The following STK32B variants were observed in gnomAD, a reference collection of about 807,000 sequenced individuals.
The protein encoded by STK32B is serine/threonine-protein kinase 32B.
Under a neutral mutation model 52.6 loss-of-function variants are expected in STK32B, and 43 were observed. That is an observed-to-expected ratio of 0.82 (90% CI 0.64 to 1.05). The LOEUF (loss-of-function observed/expected upper bound fraction) is 1.05, where lower values mean the gene tolerates loss of function less well. STK32B is among the 50% of genes least tolerant of loss of function. STK32B has a pLI of 0.00. For synonymous variants in STK32B, 238 were observed against 204.3 expected (o/e 1.17, Z -1.41); for missense variants, 621 against 534.6 (o/e 1.16, Z -1.59).
At position 5,331,409 on chromosome 4, in the gene STK32B, G is replaced by A. The variant is rs1318688834; in HGVS notation, c.434+16G>A. 5 of 1,599,654 alleles carry A rather than the reference G, an allele frequency of 3.1e-6. No homozygotes were observed. Among genetic ancestry groups the A allele is most frequent in the Non-Finnish European group, 4.3e-6 (5 of 1,171,440 alleles). ...TCATCCACAGGTAACTGGGCTGCTG[G>A]CGGGATGCCTGGGACAGAGGGACCA... On this transcript the variant is annotated intron_variant, in intron 4 of 11. Transcript: ENST00000282908.
At chr4:5,067,695 C>A (rs1411965660) in intron 1 of STK32B, among the ~76,000 whole-genome samples, 1 of 151,990 alleles carries the variant, frequency 6.6e-6, no homozygotes, top group Non-Finnish European at 1.5e-5. Context: ...TCTCACACTA[C>A]TATAAAGAAA....
the STK32B span, among the ~76,000 whole-genome samples, chr4:5,022,875 T>A: frequency 6.6e-6 from 1 of 151,950 alleles, no homozygotes; most frequent in Non-Finnish European, 1.5e-5. Flanking sequence ...ACACTCTGGG[T>A]GAGTGGTGTG....
chr4:5,096,994 C>A (rs1179572342), intron 1 of STK32B, among the ~76,000 whole-genome samples: 1 of 152,166 alleles, frequency 6.6e-6, no homozygotes, highest in African/African-American at 2.4e-5. Flanking sequence ...AAGAGGAAAT[C>A]GAAGCTGAGA....
chr4:5,467,208 G>A lies in STK32B; in HGVS notation c.1041+374G>A, dbSNP rs1577554061. ...TGGGCCTCTGTATTCGTTTCCTGGG[G>A]CTGCCACAAGCTAGGTGGCTTAAAA... On this transcript the variant is annotated intron_variant, in intron 10 of 11. Coordinates refer to ENST00000282908, the MANE Select transcript of STK32B (RefSeq NM_018401.3). This position sits in a 1 kb window ranked among gnomAD's most constrained non-coding sequence, Gnocchi z 5.8. 6.6e-6 allele frequency among the ~76,000 whole-genome samples: 1 copy of A among 152,164 alleles called. No homozygotes were observed. Among genetic ancestry groups the A allele is most frequent in the African/African-American group, 2.4e-5 (1 of 41,444 alleles).
chr4:5,446,574 A>C lies in STK32B; in HGVS notation c.563-99A>C, dbSNP rs374780728. 1.8e-5 allele frequency: 20 copies of C among 1,116,942 alleles called. No individual in the cohort carries two copies. The Admixed American group carries it at 2.5e-4, about 14-fold the overall frequency. The allele number at this position is 1,116,942 out of a possible 1,614,324, so 69.2% of individuals were successfully genotyped here. A position where few individuals can be genotyped will look rare whatever the true frequency, so the allele number is the denominator to read the frequency against. ...TCTATCTCAAAAAAAAACAAAAAAA[A>C]AAAAAACAAGCTCAATTTCTCTCCT... On this transcript the variant is annotated intron_variant, in intron 6 of 11. Coordinates refer to ENST00000282908, the MANE Select transcript of STK32B (RefSeq NM_018401.3).
At chr4:5,043,216 T>C in the STK32B span, among the ~76,000 whole-genome samples, 2 of 152,156 alleles carry the variant, frequency 1.3e-5, no homozygotes, top group African/African-American at 4.8e-5. Flanking sequence ...TTTTCTGTTT[T>C]CTTTTAGTAG....
chr4:5,320,572 C>T (rs1448643055), intron 3 of STK32B, among the ~76,000 whole-genome samples: 1 of 152,132 alleles, frequency 6.6e-6, no homozygotes, highest in Non-Finnish European at 1.5e-5. Context: ...TCTCAAGTTA[C>T]ATTTCAAATA....
At chr4:5,316,699 AT>A (rs1211701143) in intron 3 of STK32B, among the ~76,000 whole-genome samples, 51 of 130 alleles carry the variant, frequency 0.39, 13 homozygotes, top group Admixed American at 0.5. Context: ...TATATATCAT[AT>A]TATAATATAT....
At chr4:5,128,967 AGT>A (rs1178174896) in intron 1 of STK32B, among the ~76,000 whole-genome samples, 1 of 152,220 alleles carries the variant, frequency 6.6e-6, no homozygotes, top group Non-Finnish European at 1.5e-5. Flanking sequence ...GTAGTTTCTC[AGT>A]GTGTATTGCC....
Position 5,302,066 on chromosome 4 carries a change from GTTCT to G in STK32B, c.261-29147_261-29144del, listed in dbSNP as rs894552983. Reference sequence around the variant, plus strand: ...TCTAGTATGCTATTTTAATTACTTTGTTCTTTCTTTTACTGTATTTTTGAGTTAT... The same window carrying G: ...TCTAGTATGCTATTTTAATTACTTTGTTCTTTTACTGTATTTTTGAGTTAT... On this transcript the variant is annotated intron_variant, in intron 3 of 11. Coordinates refer to ENST00000282908, the MANE Select transcript of STK32B (RefSeq NM_018401.3). 6.6e-5 allele frequency among the ~76,000 whole-genome samples: 10 copies of G among 150,634 alleles called. No homozygotes were observed. In the South Asian group the frequency reaches 1.9e-3, roughly 28 times the overall value.
chr4:5,268,989 T>G (rs1727236526), intron 3 of STK32B, among the ~76,000 whole-genome samples: 1 of 152,052 alleles, frequency 6.6e-6, no homozygotes, highest in African/African-American at 2.4e-5. Flanking sequence ...TGAGGGAGTT[T>G]TCAGGTTGTG....
intron 1 of STK32B, among the ~76,000 whole-genome samples, chr4:5,068,921 C>A (rs779693793): frequency 1.3e-5 from 2 of 152,016 alleles, no homozygotes; most frequent in African/African-American, 2.4e-5. Context: ...GTGTATGTGG[C>A]AAGAACACGT....
At chr4:5,443,570 T>G (rs1715009148) in intron 6 of STK32B, among the ~76,000 whole-genome samples, 1 of 152,112 alleles carries the variant, frequency 6.6e-6, no homozygotes. Flanking sequence ...TAGCTCAGAG[T>G]AATTTGATCG....
chr4:5,321,152 A>G (rs896162017), intron 3 of STK32B, among the ~76,000 whole-genome samples: 2 of 152,146 alleles, frequency 1.3e-5, no homozygotes, highest in South Asian at 2.1e-4. Flanking sequence ...TTCTCTGAAC[A>G]TCAGTTCTGT....
At chr4:5,062,306 G>A (rs940253268) in intron 1 of STK32B, among the ~76,000 whole-genome samples, 2 of 152,092 alleles carry the variant, frequency 1.3e-5, no homozygotes, top group East Asian at 1.9e-4. Context: ...TAGGGTCATC[G>A]TGAGCTTTTT....
At chr4:5,093,713 G>GA (rs36034828) in intron 1 of STK32B, among the ~76,000 whole-genome samples, 17,965 of 151,952 alleles carry the variant, frequency 0.12, 1,134 homozygotes, top group East Asian at 0.17. Flanking sequence ...AAAGTATAAT[G>GA]AAAAAAAATG....
chr4:5,303,959 G>C (rs1302362451), intron 3 of STK32B, among the ~76,000 whole-genome samples: 1 of 152,020 alleles, frequency 6.6e-6, no homozygotes, highest in Non-Finnish European at 1.5e-5. Flanking sequence ...TTATGGTTTT[G>C]TTTGCCTTGT....
chr4:5,274,372 G>T (rs1334220079), intron 3 of STK32B, among the ~76,000 whole-genome samples: 1 of 152,108 alleles, frequency 6.6e-6, no homozygotes, highest in Non-Finnish European at 1.5e-5. Context: ...TCATGAAGCT[G>T]CCCTTTTAAT....
chr4:5,431,593 C>T (rs979345970), intron 6 of STK32B, among the ~76,000 whole-genome samples: 1 of 151,926 alleles, frequency 6.6e-6, no homozygotes, highest in Admixed American at 6.6e-5. Flanking sequence ...TATTTCTGCC[C>T]TTTATCAGAG....
Sources: allele counts gnomAD v4.1 joint callset (sites outside exome capture counted in the v4.1 genomes callset), GRCh38; gene constraint gnomAD v4.1.1; non-coding constraint Gnocchi (gnomAD v3.1); transcripts MANE v1.5; gene names NCBI Gene and HGNC (gene_info 2026-07-23, HGNC 2026-07-21).